The following SDCBP variants were observed in gnomAD, a reference collection of about 807,000 sequenced individuals.
SDCBP encodes syndecan binding protein.
A neutral mutation model predicts 30.5 loss-of-function variants in SDCBP; 22 were observed. The ratio of observed to expected loss-of-function variants is 0.72; its 90% CI spans 0.52 to 1.03. The LOEUF (loss-of-function observed/expected upper bound fraction) is 1.03. Ranked by LOEUF, SDCBP falls within the 50% of genes least tolerant of loss-of-function variation. SDCBP has a pLI of 0.00. For synonymous variants in SDCBP, 103 were observed against 118.7 expected, an observed-to-expected ratio of 0.87 and a Z score of 0.86; for missense variants, 304 against 369.9, an observed-to-expected ratio of 0.82 and a Z score of 1.46.
intron 1 of SDCBP, among the ~76,000 whole-genome samples, chr8:58,562,926 T>C (rs573852932): frequency 1.9e-3 from 290 of 152,288 alleles, no homozygotes; most frequent in African/African-American, 6.5e-3. Context: ...GTAAATCATA[T>C]ATGATAGTGG....
At chr8:58,571,311 G>A (rs1319289780) in intron 3 of SDCBP, among the ~76,000 whole-genome samples, 1 of 152,118 alleles carries the variant, frequency 6.6e-6, no homozygotes, top group Non-Finnish European at 1.5e-5. Context: ...TGCTGCTGCT[G>A]TTGAACTTTC....
rs1339521046 is a variant in SDCBP at position 58,553,834 on chromosome 8, G to C, written c.-16+531G>C. ...GGAAGGAAGTGTTTGTTTATTGGGC[G>C]AAGCCTTGACTTTTTTGGAAGGGGG... On this transcript the variant is annotated intron_variant, in intron 1 of 8. Transcript: ENST00000260130. Among the ~76,000 whole-genome samples the C allele has an allele frequency of 2.6e-5, 4 of 152,338 alleles. No homozygotes were observed. The East Asian group carries it at 7.7e-4, about 29-fold the overall frequency.
intron 1 of SDCBP, among the ~76,000 whole-genome samples, chr8:58,558,859 C>G (rs1804290284): frequency 6.6e-6 from 1 of 152,160 alleles, no homozygotes; most frequent in Non-Finnish European, 1.5e-5. Context: ...CAAAAATATG[C>G]AGGCATGGAA....
intron 4 of SDCBP, among the ~76,000 whole-genome samples, chr8:58,573,920 C>G (rs1805181912): frequency 6.6e-6 from 1 of 152,188 alleles, no homozygotes; most frequent in African/African-American, 2.4e-5. Flanking sequence ...TTTATAGTTT[C>G]TCCTTGAAAG....
chr8:58,554,558 G>A (rs1803994461), intron 1 of SDCBP, among the ~76,000 whole-genome samples: 1 of 152,090 alleles, frequency 6.6e-6, no homozygotes, highest in Non-Finnish European at 1.5e-5. Context: ...ATTTAACTTT[G>A]GAGACATTAA....
At chr8:58,575,660 G>GA (rs1387950563) in intron 4 of SDCBP, among the ~76,000 whole-genome samples, 6 of 152,302 alleles carry the variant, frequency 3.9e-5, no homozygotes, top group Admixed American at 3.9e-4. Context: ...AAATGCCAGT[G>GA]AATTCAAAGG....
chr8:58,581,839 T>C lies in SDCBP; in HGVS notation c.*99T>C, dbSNP rs1805705909. On this transcript the variant is annotated 3_prime_UTR_variant, in exon 9 of 9. Coordinates refer to ENST00000260130, the MANE Select transcript of SDCBP (RefSeq NM_005625.4). ...GAAGCCTTCCCGGAGCCAGCGAGCA[T>C]ATGCTGCATGAGGACCTTTCTATCT... The C allele has an allele frequency of 2.2e-6, 2 of 915,798 alleles. No individual in the cohort carries two copies. The highest frequency in any genetic ancestry group is 2.6e-5 in the South Asian group (2 of 75,710). The allele number at this position is 915,798 out of a possible 1,614,324, so 56.7% of individuals were successfully genotyped here. A position where few individuals can be genotyped will look rare whatever the true frequency, so the allele number is the denominator to read the frequency against.
Position 58,570,926 on chromosome 8 carries a change from A to G in SDCBP, c.91A>G (p.Ile31Val). 1 of 1,613,414 alleles carries G rather than the reference A, an allele frequency of 6.2e-7. No homozygotes were observed. Among genetic ancestry groups the G allele is most frequent in the Non-Finnish European group, 8.5e-7 (1 of 1,179,576 alleles). The change falls in exon 3 of 9, where the codon ATT becomes GTT. Residue 31 changes from isoleucine to valine, a missense_variant. Ile to Val is a conservative substitution (Grantham distance 29). Coordinates refer to ENST00000260130, the MANE Select transcript of SDCBP (RefSeq NM_005625.4). ...TTCTGCAAACCCTGCCAATCCAGCA[A>G]TTTTGTCAGAAGCTTCTGCTCCTAT... The part of the protein sequence containing the change: ...AFSANPANPA[I>V]LSEASAPIPH...
At position 58,581,698 on chromosome 8, in the gene SDCBP, C is replaced by A; in HGVS notation, c.855C>A (p.Ser285Arg). Residue 285 changes from serine to arginine, a missense_variant, in exon 9 of 9, where the codon AGC (serine) becomes AGA (arginine). By Grantham distance (110) the Ser-to-Arg change is moderately radical (BLOSUM62 -1). Transcript: ENST00000260130. ...ACCTCTCTTGTAGGATGGCACCAAG[C>A]ATTATGAAAAGCCTAATGGACCACA... ...FEHIIKRMAPSIMKSLMDHTI... is the reference protein window; with the variant it reads ...FEHIIKRMAPRIMKSLMDHTI... The A allele has an allele frequency of 6.2e-7, 1 of 1,612,184 alleles. No individual in the cohort carries two copies. The highest frequency in any genetic ancestry group is 8.5e-7 in the Non-Finnish European group (1 of 1,178,608).
At chr8:58,573,650 A>G (rs1261999270) in intron 4 of SDCBP, among the ~76,000 whole-genome samples, 4 of 152,182 alleles carry the variant, frequency 2.6e-5, no homozygotes, top group African/African-American at 9.7e-5. Context: ...TGCTGCTGCC[A>G]GTGTAAAGGG....
At chr8:58,557,477 A>G (rs1804212281) in intron 1 of SDCBP, among the ~76,000 whole-genome samples, 1 of 145,636 alleles carries the variant, frequency 6.9e-6, no homozygotes, top group African/African-American at 2.5e-5. Flanking sequence ...TATATATGTT[A>G]TATATAATAC....
intron 7 of SDCBP, among the ~76,000 whole-genome samples, chr8:58,580,272 T>C (rs1375587878): frequency 2.0e-5 from 3 of 152,340 alleles, no homozygotes; most frequent in South Asian, 2.1e-4. Flanking sequence ...ATATTGTATA[T>C]GGGGAAAATT....
intron 7 of SDCBP, 65 bp from the exon 8 acceptor site, chr8:58,580,452 G>A: frequency 1.2e-6 from 1 of 800,654 alleles, no homozygotes; most frequent in African/African-American, 1.7e-5. Flanking sequence ...ACCAAGACTG[G>A]CATAGTTTTG....
intron 4 of SDCBP, among the ~76,000 whole-genome samples, chr8:58,573,757 A>C (rs1019191195): frequency 7.9e-5 from 12 of 152,348 alleles, no homozygotes; most frequent in Admixed American, 2.6e-4. Context: ...TAATTTGCAC[A>C]GTTAGGCCCA....
chr8:58,563,493 G>A (rs1179184593), intron 1 of SDCBP, among the ~76,000 whole-genome samples: 2 of 152,086 alleles, frequency 1.3e-5, no homozygotes, highest in African/African-American at 4.8e-5. Context: ...GGAGATGATT[G>A]TAGAAGTCTG....
intron 2 of SDCBP, among the ~76,000 whole-genome samples, chr8:58,566,937 G>C (rs1227499339): frequency 1.3e-5 from 2 of 152,136 alleles, no homozygotes; most frequent in African/African-American, 2.4e-5. Flanking sequence ...ATCCTGACAA[G>C]AGCCTGTGGT....
chr8:58,577,844 G>A (rs1563515280), intron 5 of SDCBP, 189 bp from the exon 6 acceptor site: 1 of 463,640 alleles, frequency 2.2e-6, no homozygotes, highest in Non-Finnish European at 3.8e-6. Flanking sequence ...TTGCTGTCTT[G>A]ATAAATTTTT....
intron 4 of SDCBP, 89 bp downstream of exon 4, chr8:58,572,403 ATAC>A (rs1805079061): frequency 2.4e-6 from 2 of 831,284 alleles, no homozygotes; most frequent in Non-Finnish European, 4.0e-6. Flanking sequence ...ACTCACAGAT[ATAC>A]TACTAGCATT....
At position 58,580,622 on chromosome 8, in the gene SDCBP, T is replaced by C. The variant is rs1365704689; in HGVS notation, c.842+14T>C. The C allele has an allele frequency of 7.7e-7, 1 of 1,293,432 alleles. No individual in the cohort carries two copies. Among genetic ancestry groups the C allele is most frequent in the African/African-American group, 1.5e-5 (1 of 68,494 alleles). 80.1% of individuals were successfully genotyped at this position (1,293,432 alleles called of 1,614,324 possible). ...TATTATTAAGCGGTAAGTAAACAAT[T>C]CCTCAACTTAATGCATATGGTCATG... On this transcript the variant is annotated intron_variant, in intron 8 of 8. Transcript: ENST00000260130.
Sources: gnomAD v4.1 joint callset for allele counts (sites outside exome capture counted in the v4.1 genomes callset) on GRCh38, gnomAD v4.1.1 for gene constraint, MANE v1.5 for transcripts, NCBI Gene and HGNC (gene_info 2026-07-23, HGNC 2026-07-21) for gene names.